The following BNC2 variants were observed in gnomAD, a reference collection of about 807,000 sequenced individuals.
The protein encoded by BNC2 is zinc finger protein basonuclin-2.
Under a neutral mutation model 76.3 loss-of-function variants are expected in BNC2, and 20 were observed. The ratio of observed to expected loss-of-function variants is 0.26; its 90% CI spans 0.18 to 0.38. The LOEUF is 0.38. Ranked by LOEUF, BNC2 falls within the 10% of genes least tolerant of loss-of-function variation. BNC2 has a pLI of 1.00. For synonymous variants in BNC2, 582 were observed against 514.8 expected (o/e 1.13, Z -1.77); for missense variants, 1,382 against 1,399.8 (o/e 0.99, Z 0.20).
At chr9:16,789,751 A>C (rs559827851) in intron 1 of BNC2, among the ~76,000 whole-genome samples, 2 of 152,216 alleles carry the variant, frequency 1.3e-5, no homozygotes, top group Non-Finnish European at 2.9e-5. Context: ...TCACCAGTCA[A>C]CTAAGATCCA....
intron 3 of BNC2, among the ~76,000 whole-genome samples, chr9:16,670,162 T>C (rs1441142708): frequency 2.6e-5 from 4 of 152,170 alleles, no homozygotes; most frequent in African/African-American, 4.8e-5. Flanking sequence ...CATGGTTTAA[T>C]AGAAGCATTA....
In BNC2 at chr9:16,411,768, G is replaced by C. The variant is rs141527911; in HGVS notation, c.*7221C>G. 6.6e-6 allele frequency: 1 copy of C among 152,616 alleles called. No individual in the cohort carries two copies. Among genetic ancestry groups the C allele is most frequent in the East Asian group, 1.9e-4 (1 of 5,182 alleles). 9.5% of individuals were successfully genotyped at this position (152,616 alleles called of 1,614,324 possible). ...CTGCTGCTGTTCTCTCCTTGCTAAA[G>C]TTCATATGGAAGATGATACCGATAC... On this transcript the variant is annotated 3_prime_UTR_variant, in exon 7 of 7. Transcript: ENST00000380672.
chr9:16,580,816 T>C lies in BNC2; in HGVS notation c.433+2167A>G, dbSNP rs185080242. ...TGTCCATTTTACTTTTAATATGTAT[T>C]AGTTAGAAAGGCTTCATATATTTTC... On this transcript the variant is annotated intron_variant, in intron 4 of 6. Coordinates refer to ENST00000380672, the MANE Select transcript of BNC2 (RefSeq NM_017637.6). Among the ~76,000 whole-genome samples the C allele has an allele frequency of 1.5e-4, 23 of 152,334 alleles. 1 individual carries two copies. The East Asian group carries it at 4.4e-3, about 29-fold the overall frequency.
intron 1 of BNC2, among the ~76,000 whole-genome samples, chr9:16,788,442 A>C (rs1027240435): frequency 6.6e-6 from 1 of 151,280 alleles, no homozygotes; most frequent in South Asian, 2.1e-4. Flanking sequence ...AATTCCAGCT[A>C]CTCGGGAGGC....
In BNC2 at chr9:16,664,738, A is replaced by AC. The variant is rs201786195; in HGVS notation, c.330+63058dup. ...CAAAAAAAAACAAAAACAAAAAAAA[A>AC]CAGGGGATCTACAAGAGACCCAATA... On this transcript the variant is annotated intron_variant, in intron 3 of 6. Coordinates refer to ENST00000380672, the MANE Select transcript of BNC2 (RefSeq NM_017637.6). Among the ~76,000 whole-genome samples, 157 of 152,056 alleles carry AC rather than the reference A, an allele frequency of 1.0e-3. 1 individual carries two copies. Among genetic ancestry groups the AC allele is most frequent in the African/African-American group, 3.5e-3 (145 of 41,504 alleles).
intron 5 of BNC2, among the ~76,000 whole-genome samples, chr9:16,516,545 G>A (rs527488063): frequency 2.6e-4 from 40 of 152,082 alleles, no homozygotes; most frequent in Admixed American, 6.5e-4. Context: ...CCCAATACAG[G>A]GTGAGAACTC....
Position 16,484,808 on chromosome 9 carries a change from AG to A in BNC2, c.670-47285del, listed in dbSNP as rs1388896765. Among the ~76,000 whole-genome samples, 3 of 152,324 alleles carry A rather than the reference AG, an allele frequency of 2.0e-5. No homozygotes were observed. The East Asian group carries it at 5.8e-4, about 29-fold the overall frequency. On this transcript the variant is annotated intron_variant, in intron 5 of 6. Transcript: ENST00000380672. ...ACATAATGAACCTAAGATGAACAAA[AG>A]CAATATGCCAGGCACAGACTATAAA...
At chr9:16,862,003 A>T (rs2136212079) in intron 1 of BNC2, among the ~76,000 whole-genome samples, 1 of 152,258 alleles carries the variant, frequency 6.6e-6, no homozygotes, top group East Asian at 1.9e-4. Flanking sequence ...GACAAAAAAA[A>T]AAAAGACACA....
rs144223085 is a variant in BNC2 at position 16,617,139 on chromosome 9, G to A, written c.331-34054C>T. Among the ~76,000 whole-genome samples the A allele has an allele frequency of 1.5e-3, 222 of 152,198 alleles. 4 individuals carry two copies. The East Asian group carries it at 0.038, about 26-fold the overall frequency. ...TTGATATGGGGTCATGATCATCATCGATAAACGTAAATTTCAGTTTACTGT... is the reference window on the plus strand; with the variant it reads ...TTGATATGGGGTCATGATCATCATCAATAAACGTAAATTTCAGTTTACTGT... On this transcript the variant is annotated intron_variant, in intron 3 of 6. Transcript: ENST00000380672.
chr9:16,754,835 G>A (rs1237740395), intron 1 of BNC2, among the ~76,000 whole-genome samples: 6 of 152,200 alleles, frequency 3.9e-5, no homozygotes, highest in Admixed American at 1.3e-4. Flanking sequence ...TGGGATTAGA[G>A]GTGTGAGCCA....
intron 1 of BNC2, among the ~76,000 whole-genome samples, chr9:16,831,414 C>G: frequency 6.6e-6 from 1 of 152,220 alleles, no homozygotes; most frequent in East Asian, 1.9e-4. Flanking sequence ...TGGAATATAT[C>G]TGTATTCACT....
chr9:16,615,038 AAC>A (rs1414355661), intron 3 of BNC2, among the ~76,000 whole-genome samples: 1 of 150,340 alleles, frequency 6.7e-6, no homozygotes, highest in African/African-American at 2.5e-5. Context: ...CACATACAAG[AAC>A]AGTCTGCAGA....
intron 5 of BNC2, among the ~76,000 whole-genome samples, chr9:16,459,383 G>A (rs902917095): frequency 6.6e-6 from 1 of 152,166 alleles, no homozygotes; most frequent in Non-Finnish European, 1.5e-5. Flanking sequence ...GGTCACAGGT[G>A]TTGCATTTGT....
At chr9:16,857,631 TATG>T (rs1163451653) in intron 1 of BNC2, among the ~76,000 whole-genome samples, 1 of 152,086 alleles carries the variant, frequency 6.6e-6, no homozygotes, top group Non-Finnish European at 1.5e-5. Flanking sequence ...CGTAAACACT[TATG>T]ATGAAAAAAT....
chr9:16,861,262 G>A (rs1056053098), intron 1 of BNC2, among the ~76,000 whole-genome samples: 1 of 150,344 alleles, frequency 6.7e-6, no homozygotes, highest in African/African-American at 2.5e-5. Flanking sequence ...GCTGAAGCAG[G>A]AGGATTTCTT....
At chr9:16,601,406 A>G (rs1820240428) in intron 3 of BNC2, among the ~76,000 whole-genome samples, 1 of 152,252 alleles carries the variant, frequency 6.6e-6, no homozygotes, top group East Asian at 1.9e-4. Context: ...AAACGAACAG[A>G]CACAAATGCA....
chr9:16,537,502 T>G (rs1818167528), intron 5 of BNC2, among the ~76,000 whole-genome samples: 4 of 152,118 alleles, frequency 2.6e-5, no homozygotes, highest in Middle Eastern at 3.2e-3. Flanking sequence ...AAAATATATA[T>G]ATCAAAAATG....
At chr9:16,560,308 T>A (rs1020437204) in intron 4 of BNC2, among the ~76,000 whole-genome samples, 1 of 152,190 alleles carries the variant, frequency 6.6e-6, no homozygotes, top group Non-Finnish European at 1.5e-5. Flanking sequence ...TCCAAAAAGA[T>A]CAGATTAGCA....
rs1825683874 is a variant in BNC2 at position 16,766,052 on chromosome 9, GC to G, written c.4-27568del. Among the ~76,000 whole-genome samples the G allele has an allele frequency of 2.0e-5, 3 of 152,276 alleles. No homozygotes were observed. In the South Asian group the frequency reaches 6.2e-4, roughly 32 times the overall value. ...TCCGCCCGCCTTGGCCTCCCAAAGT[GC>G]TGGGATTACAGGCGTGAGCCACCGC... On this transcript the variant is annotated intron_variant, in intron 1 of 6. Coordinates refer to ENST00000380672, the MANE Select transcript of BNC2 (RefSeq NM_017637.6).
Sources: gnomAD v4.1 joint callset for allele counts (sites outside exome capture counted in the v4.1 genomes callset) on GRCh38, gnomAD v4.1.1 for gene constraint, MANE v1.5 for transcripts, NCBI Gene and HGNC (gene_info 2026-07-23, HGNC 2026-07-21) for gene names.